Variants in CCAR2 observed in about 807,000 individuals in gnomAD.
CCAR2 encodes cell cycle and apoptosis regulator protein 2.
CCAR2 carries 21 observed loss-of-function variants against 108.1 expected under a neutral mutation model. The observed-to-expected ratio is 0.19, with a 90% CI of 0.14 to 0.28. CCAR2 has a LOEUF of 0.28. Among genes scored for constraint, CCAR2 ranks in the 10% least tolerant of loss-of-function variants. CCAR2 has a pLI of 1.00. For synonymous variants in CCAR2, 577 were observed against 472.8 expected (o/e 1.22, Z -2.86); for missense variants, 1,126 against 1,177.0 (o/e 0.96, Z 0.63).
In CCAR2 at chr8:22,607,312, C is replaced by G. The variant is rs1189722007; in HGVS notation, c.474C>G (p.Leu158=). The G allele has an allele frequency of 1.9e-6, 3 of 1,612,434 alleles. No individual in the cohort carries two copies. The highest frequency in any genetic ancestry group is 1.3e-5 in the African/African-American group (1 of 74,906). Residue 158 remains leucine, a synonymous_variant, in exon 6 of 21, where the codon CTC becomes CTG. Transcript: ENST00000308511. ...TCCAGCCTCACCGGATTCCCCCACT[C>G]TTTCCTCAGAAGCGTGAGTACGAGT... is the stretch of plus-strand genomic sequence containing the variant. ...LIFQPHRIPP[L]FPQKPLSLFQ...
At position 22,616,268 on chromosome 8, in the gene CCAR2, G is replaced by A. The variant is rs771668007; in HGVS notation, c.1845+20G>A. On this transcript the variant is annotated intron_variant, in intron 14 of 20. Coordinates refer to ENST00000308511, the MANE Select transcript of CCAR2 (RefSeq NM_001393997.1). The stretch of plus-strand genomic sequence containing the variant: ...CCGCTGGTGAGTACCCTGCCACCTC[G>A]GGCTGTCATAGTGCTTACCGTGACC... 4.4e-6 allele frequency: 7 copies of A among 1,607,824 alleles called. No homozygotes were observed. Among genetic ancestry groups the A allele is most frequent in the Admixed American group, 3.3e-5 (2 of 59,974 alleles).
At chr8:22,606,862 G>A in intron 4 of CCAR2, 48 bp from the exon 5 acceptor site, 11 of 1,593,160 alleles carry the variant, frequency 6.9e-6, no homozygotes, top group Non-Finnish European at 9.5e-6. Flanking sequence ...AGGGTGGCCT[G>A]GCCAGGGTCC....
intron 17 of CCAR2, 27 bp from the exon 18 acceptor site, chr8:22,618,590 T>C: frequency 6.2e-7 from 1 of 1,613,998 alleles, no homozygotes; most frequent in East Asian, 2.2e-5. Flanking sequence ...GACGGGGCCT[T>C]CTGATCAGCA....
chr8:22,615,802 G>A lies in CCAR2; in HGVS notation c.1498G>A (p.Ala500Thr). 6.2e-7 allele frequency: 1 copy of A among 1,613,956 alleles called. No homozygotes were observed. Among genetic ancestry groups the A allele is most frequent in the Non-Finnish European group, 8.5e-7 (1 of 1,180,024 alleles). The change falls in exon 13 of 21, where the codon GCC (alanine) becomes ACC (threonine). Residue 500 changes from alanine (A) to threonine (T), a missense_variant. By Grantham distance (58) the Ala-to-Thr change is moderately conservative. Transcript: ENST00000308511. ...QQETDTDLPE[A>T]PPPPLEPAVI... Reference sequence around the variant, plus strand: ...GGAAACGGACACTGATCTCCCAGAGGCCCCTCCACCCCCCCTAGAACCTGC... The same window carrying A: ...GGAAACGGACACTGATCTCCCAGAGACCCCTCCACCCCCCCTAGAACCTGC...
chr8:22,618,387 C>A lies in CCAR2; in HGVS notation c.2112C>A (p.Asp704Glu). The change falls in exon 17 of 21, where the codon GAC becomes GAA. Residue 704 changes from aspartate to glutamate, a missense_variant. Around this residue, in one of 4 missense-constraint regions of CCAR2, gnomAD observed 1,013 missense variants for 993.9 expected, o/e 1.02. Coordinates refer to ENST00000308511, the MANE Select transcript of CCAR2 (RefSeq NM_001393997.1). Reference protein sequence around the residue: ...ELDPSAVLPLDCLLAFVFFDA... With the variant: ...ELDPSAVLPLECLLAFVFFDA... ...ATCCCTCTGCTGTGCTCCCCTTAGA[C>A]TGTCTGCTTGCTTTTGTGTTCTTTG... The A allele has an allele frequency of 6.2e-7, 1 of 1,614,234 alleles. No individual in the cohort carries two copies.
chr8:22,614,624 C>T, intron 10 of CCAR2, 121 bp downstream of exon 10: 1 of 1,059,914 alleles, frequency 9.4e-7, no homozygotes, highest in Non-Finnish European at 1.4e-6. Flanking sequence ...CCGAACACCC[C>T]TCATTTCACC....
rs1252366063 is a variant in CCAR2, at chr8:22,618,459, C to T, written c.2184C>T (p.Ile728=). 14 of 1,614,108 alleles carry T rather than the reference C, an allele frequency of 8.7e-6. No homozygotes were observed. The highest frequency in any genetic ancestry group is 1.3e-5 in the African/African-American group (1 of 74,932). Residue 728 remains isoleucine, a synonymous_variant, in exon 17 of 21, where the codon ATC becomes ATT. Coordinates refer to ENST00000308511, the MANE Select transcript of CCAR2 (RefSeq NM_001393997.1). ...TGCACCGGCGAGACTTAGAGAGGAT[C>T]CTCCTTACCCTTGGGATCCGGCTCA... ...GYLHRRDLER[I]LLTLGIRLSA...
chr8:22,617,277 A>C (rs1801561942), intron 14 of CCAR2, 143 bp from the exon 15 acceptor site: 1 of 946,424 alleles, frequency 1.1e-6, no homozygotes, highest in African/African-American at 1.7e-5. Context: ...TAATGAAATT[A>C]AATACATGAA....
Position 22,618,346 on chromosome 8 carries a change from C to T in CCAR2, c.2074-3C>T, listed in dbSNP as rs199768483. On this transcript the variant is annotated splice_region_variant and splice_polypyrimidine_tract_variant and intron_variant, in intron 16 of 20. Transcript: ENST00000308511. ...ATCCTGCTCATCTTTGTTTTCTTTG[C>T]AGCCCAAGGAGCTGGATCCCTCTGC... 12 of 1,614,058 alleles carry T rather than the reference C, an allele frequency of 7.4e-6. No individual in the cohort carries two copies. The highest frequency in any genetic ancestry group is 2.2e-5 in the South Asian group (2 of 91,094).
chr8:22,614,972 T>A lies in CCAR2; in HGVS notation c.1176T>A (p.Thr392=). Residue 392 remains threonine, a synonymous_variant, in exon 11 of 21, where the codon ACT becomes ACA. Coordinates refer to ENST00000308511, the MANE Select transcript of CCAR2 (RefSeq NM_001393997.1). The stretch of plus-strand genomic sequence containing the variant: ...CCATCCGCTGTGCGCAGGCCCAGAC[T>A]GGCATTGATTTGAGCGGCTGTACCA... ...RTAIRCAQAQ[T]GIDLSGCTKW... 6.3e-7 allele frequency: 1 copy of A among 1,599,112 alleles called. No individual in the cohort carries two copies. The highest frequency in any genetic ancestry group is 8.5e-7 in the Non-Finnish European group (1 of 1,172,506).
Position 22,615,707 on chromosome 8 carries a change from C to G in CCAR2, c.1403C>G (p.Pro468Arg). ...GAAACGGAGCCTACTGAACAGGCAC[C>G]TGATGCCTTGGAGCAAGCAGCAGAC... ...QGETEPTEQA[P>R]DALEQAADTS... The change falls in exon 13 of 21, where the codon CCT becomes CGT. Residue 468 changes from proline to arginine, a missense_variant. By Grantham distance (103) the Pro-to-Arg change is moderately radical. Coordinates refer to ENST00000308511, the MANE Select transcript of CCAR2 (RefSeq NM_001393997.1). The G allele has an allele frequency of 6.2e-7, 1 of 1,613,734 alleles. No homozygotes were observed. Among genetic ancestry groups the G allele is most frequent in the Non-Finnish European group, 8.5e-7 (1 of 1,180,014 alleles).
chr8:22,614,282 A>G lies in CCAR2; in HGVS notation c.895A>G (p.Thr299Ala). 6.8e-6 allele frequency: 11 copies of G among 1,614,078 alleles called. No homozygotes were observed. The highest frequency in any genetic ancestry group is 1.7e-5 in the Admixed American group (1 of 60,016). Residue 299 changes from threonine (T) to alanine (A), a missense_variant, in exon 9 of 21, where the codon ACT (threonine) becomes GCT (alanine). This residue lies in a region of CCAR2 where 1,013 missense variants were observed against 993.9 expected (regional missense o/e 1.02). Transcript: ENST00000308511. ...AAPDAGAEPI[T>A]ADSDPAYSSK... ...TCCAGACGCTGGTGCTGAGCCCATC[A>G]CTGCAGACAGTGACCCCGCTTATAG...
chr8:22,609,500 G>C (rs956992403), intron 7 of CCAR2, among the ~76,000 whole-genome samples: 2 of 152,106 alleles, frequency 1.3e-5, no homozygotes, highest in African/African-American at 4.8e-5. Flanking sequence ...TTGCCATGGG[G>C]TTTCCACTGC....
At chr8:22,609,921 C>T (rs998330482) in intron 7 of CCAR2, among the ~76,000 whole-genome samples, 2 of 152,282 alleles carry the variant, frequency 1.3e-5, no homozygotes, top group Admixed American at 6.5e-5. Context: ...ATCCTTAAAC[C>T]CAAAGTACTC....
In CCAR2 at chr8:22,607,181, G is replaced by T. The variant is rs1563905130; in HGVS notation, c.358-15G>T. ...ACCATGGGGTCCCCTGAATTTCCTG[G>T]CTCCTGTTCTGCAGCCCCTACTGAA... is the stretch of plus-strand genomic sequence containing the variant. On this transcript the variant is annotated splice_polypyrimidine_tract_variant and intron_variant, in intron 5 of 20. Transcript: ENST00000308511. 2 of 1,613,092 alleles carry T rather than the reference G, an allele frequency of 1.2e-6. No homozygotes were observed. Among genetic ancestry groups the T allele is most frequent in the Non-Finnish European group, 1.7e-6 (2 of 1,179,544 alleles).
At chr8:22,611,447 CAT>C (rs72147687) in intron 7 of CCAR2, among the ~76,000 whole-genome samples, 8,554 of 142,858 alleles carry the variant, frequency 0.06, 812 homozygotes, top group African/African-American at 0.21. Context: ...TGTGTGTATA[CAT>C]ATGTGTGTGT....
intron 2 of CCAR2, 99 bp downstream of exon 2, chr8:22,605,930 C>A: frequency 7.4e-7 from 1 of 1,358,694 alleles, no homozygotes; most frequent in South Asian, 1.2e-5. Flanking sequence ...TGCTGATGTT[C>A]CTCTGGAAAG....
chr8:22,608,099 G>A (rs758411315), intron 7 of CCAR2, 34 bp downstream of exon 7: 1 of 1,468,814 alleles, frequency 6.8e-7, no homozygotes, highest in Non-Finnish European at 9.5e-7. Flanking sequence ...TTGGCCACTT[G>A]TTGACACTAA....
At chr8:22,606,270 A>G in intron 3 of CCAR2, 94 bp downstream of exon 3, 2 of 1,089,946 alleles carry the variant, frequency 1.8e-6, no homozygotes, top group South Asian at 1.3e-5. Context: ...AGTGTTTATC[A>G]TTCCTGATCC....
Sources: allele counts gnomAD v4.1 joint callset (sites outside exome capture counted in the v4.1 genomes callset), GRCh38; gene constraint gnomAD v4.1.1; regional missense constraint gnomAD v4.1.1; transcripts MANE v1.5; gene names NCBI Gene and HGNC (gene_info 2026-07-23, HGNC 2026-07-21).